NRXN3: variants seen among roughly 807,000 people sequenced by gnomAD.
NRXN3 encodes neurexin III.
NRXN3 carries 32 observed loss-of-function variants against 137.6 expected under a neutral mutation model. The ratio of observed to expected loss-of-function variants is 0.23; its 90% CI spans 0.18 to 0.31. The LOEUF (loss-of-function observed/expected upper bound fraction) is 0.31, where lower values mean the gene tolerates loss of function less well. Among genes scored for constraint, NRXN3 ranks in the 10% least tolerant of loss-of-function variants. The pLI, the probability that NRXN3 is intolerant of heterozygous loss-of-function variation, is 1.00. For synonymous variants in NRXN3, 798 were observed against 784.5 expected (o/e 1.02, Z -0.29); for missense variants, 1,574 against 2,062.5 (o/e 0.76, Z 4.59).
intron 4 of NRXN3, among the ~76,000 whole-genome samples, chr14:78,429,638 G>C (rs1380001809): frequency 6.6e-6 from 1 of 152,180 alleles, no homozygotes; most frequent in Non-Finnish European, 1.5e-5. Context: ...CAGGCACACA[G>C]AGGGAGTTCT....
At chr14:79,339,312 C>T (rs931353948) in intron 15 of NRXN3, among the ~76,000 whole-genome samples, 12 of 152,184 alleles carry the variant, frequency 7.9e-5, no homozygotes, top group African/African-American at 2.9e-4. Context: ...AAATGCTGGA[C>T]ATTAACCAAT....
chr14:78,355,192 C>G (rs1205540401), intron 4 of NRXN3, among the ~76,000 whole-genome samples: 2 of 152,182 alleles, frequency 1.3e-5, no homozygotes, highest in Non-Finnish European at 2.9e-5. Flanking sequence ...ATCCACCTTT[C>G]TCCCCTGCCA....
At chr14:78,331,575 C>A (rs903976762) in intron 4 of NRXN3, among the ~76,000 whole-genome samples, 1 of 152,122 alleles carries the variant, frequency 6.6e-6, no homozygotes, top group Non-Finnish European at 1.5e-5. Flanking sequence ...CAGCTTTATT[C>A]CCAGAAAGGA....
chr14:79,681,011 C>T (rs2098667449), intron 17 of NRXN3, among the ~76,000 whole-genome samples: 1 of 152,182 alleles, frequency 6.6e-6, no homozygotes, highest in South Asian at 2.1e-4. Context: ...ATCAACCTTT[C>T]TCCAATTTTC....
chr14:79,431,093 A>C (rs1030337790), intron 15 of NRXN3, among the ~76,000 whole-genome samples: 1 of 152,194 alleles, frequency 6.6e-6, no homozygotes, highest in South Asian at 2.1e-4. Flanking sequence ...TGCATAGCTG[A>C]AAAGATGACT....
At chr14:79,512,768 A>G (rs2096943778) in intron 16 of NRXN3, among the ~76,000 whole-genome samples, 1 of 152,134 alleles carries the variant, frequency 6.6e-6, no homozygotes, top group South Asian at 2.1e-4. Context: ...CTTTATTACC[A>G]CCATTATACC....
intron 4 of NRXN3, among the ~76,000 whole-genome samples, chr14:78,354,935 C>T (rs1318664901): frequency 6.6e-6 from 1 of 152,104 alleles, no homozygotes; most frequent in Middle Eastern, 3.2e-3. Flanking sequence ...CCTGAGTGGT[C>T]AGCACACAAG....
At chr14:78,543,178 G>T (rs970804770) in intron 4 of NRXN3, among the ~76,000 whole-genome samples, 61 of 152,224 alleles carry the variant, frequency 4.0e-4, no homozygotes, top group African/African-American at 1.4e-3. Flanking sequence ...GGCCTGGGAA[G>T]GGTAGAGGCA....
At chr14:78,934,977 A>T (rs1310514673) in intron 10 of NRXN3, among the ~76,000 whole-genome samples, 1 of 151,930 alleles carries the variant, frequency 6.6e-6, no homozygotes, top group Non-Finnish European at 1.5e-5. Flanking sequence ...AATAATAATA[A>T]TAATAAAAGA....
intron 4 of NRXN3, among the ~76,000 whole-genome samples, chr14:78,423,520 A>G (rs575904590): frequency 6.6e-6 from 1 of 152,242 alleles, no homozygotes; most frequent in Admixed American, 6.5e-5. Context: ...AGAATTTGTG[A>G]TAATCTGGTC....
chr14:78,411,428 C>T (rs2092822812), intron 4 of NRXN3, among the ~76,000 whole-genome samples: 1 of 152,176 alleles, frequency 6.6e-6, no homozygotes, highest in Non-Finnish European at 1.5e-5. Flanking sequence ...CCCTGCCTTG[C>T]CCCTGACTAG....
At chr14:78,255,169 GAA>G (rs35233538) in intron 2 of NRXN3, among the ~76,000 whole-genome samples, 3,123 of 86,066 alleles carry the variant, frequency 0.036, 29 homozygotes, top group Middle Eastern at 0.07. Flanking sequence ...CACAGCAGCA[GAA>G]AAAAAAAAAA....
At chr14:79,153,489 C>G (rs1433036065) in intron 15 of NRXN3, among the ~76,000 whole-genome samples, 1 of 151,926 alleles carries the variant, frequency 6.6e-6, no homozygotes, top group Non-Finnish European at 1.5e-5. Context: ...ACCCATTGAG[C>G]TACTGAATAA....
chr14:79,636,949 G>T (rs1215815941), intron 16 of NRXN3, among the ~76,000 whole-genome samples: 1 of 152,212 alleles, frequency 6.6e-6, no homozygotes, highest in African/African-American at 2.4e-5. Flanking sequence ...ATTGGAAGGT[G>T]GGTGATTAGG....
chr14:78,201,899 C>T (rs2061715694), intron 1 of NRXN3, among the ~76,000 whole-genome samples: 2 of 152,182 alleles, frequency 1.3e-5, no homozygotes, highest in African/African-American at 4.8e-5. Flanking sequence ...GAGGAAAGTG[C>T]GATGAGCCTG....
intron 4 of NRXN3, among the ~76,000 whole-genome samples, chr14:78,328,610 A>G (rs1190695228): frequency 2.6e-5 from 4 of 152,248 alleles, no homozygotes; most frequent in Non-Finnish European, 4.4e-5. Context: ...TTTGTGTTCA[A>G]CATAGGCACA....
chr14:79,808,274 ATGTATGTATG>A (rs146346208), intron 20 of NRXN3, among the ~76,000 whole-genome samples: 2,194 of 143,294 alleles, frequency 0.015, 60 homozygotes, highest in African/African-American at 0.053. Flanking sequence ...ATATATATAT[ATGTATGTATG>A]TATGTATGTA....
intron 16 of NRXN3, among the ~76,000 whole-genome samples, chr14:79,488,963 A>G (rs539554846): frequency 6.6e-6 from 1 of 152,168 alleles, no homozygotes; most frequent in Non-Finnish European, 1.5e-5. Flanking sequence ...AAGCAGATAG[A>G]TGCCCATACC....
intron 10 of NRXN3, among the ~76,000 whole-genome samples, chr14:78,894,896 A>T (rs1370713738): frequency 1.3e-5 from 2 of 151,278 alleles, no homozygotes; most frequent in Admixed American, 6.6e-5. Flanking sequence ...AAAAAAAAAA[A>T]TCTTTTTTTT....
Sources: allele counts gnomAD v4.1 joint callset (sites outside exome capture counted in the v4.1 genomes callset), GRCh38; gene constraint gnomAD v4.1.1; transcripts MANE v1.5; gene names NCBI Gene and HGNC (gene_info 2026-07-23, HGNC 2026-07-21).